The following CRYBG3 variants were observed in gnomAD, a reference collection of about 807,000 sequenced individuals.
The protein encoded by CRYBG3 is crystallin beta-gamma domain containing 3.
CRYBG3 carries 127 observed loss-of-function variants against 244.2 expected under a neutral mutation model. The ratio of observed to expected loss-of-function variants is 0.52; its 90% CI spans 0.45 to 0.60. CRYBG3 has a LOEUF of 0.60. Among genes scored for constraint, CRYBG3 ranks in the 20% least tolerant of loss-of-function variants. CRYBG3 has a pLI of 0.00. For missense variants in CRYBG3, 3,325 were observed against 3,442.5 expected (o/e 0.97, Z 0.85); for synonymous variants, 1,132 against 1,195.8 (o/e 0.95, Z 1.10).
chr3:97,934,337 C>A (rs780289089), intron 18 of CRYBG3, among the ~76,000 whole-genome samples: 5 of 151,948 alleles, frequency 3.3e-5, no homozygotes, highest in Non-Finnish European at 5.9e-5. Flanking sequence ...TATTAGATAT[C>A]AATGTGAATA....
rs773455762 is a variant in CRYBG3 at position 97,843,108 on chromosome 3, C to A, written c.150-87C>A. ...ATCTTTGAGCATTGCAGATAAAGGA[C>A]CTTTCAGTTTGAGTTTAAATACAGA... On this transcript the variant is annotated intron_variant, in intron 1 of 21. Transcript: ENST00000389622. The A allele has an allele frequency of 1.5e-5, 11 of 728,890 alleles. No individual in the cohort carries two copies. In the East Asian group the frequency reaches 2.7e-4, roughly 18 times the overall value. The allele number at this position is 728,890 out of a possible 1,614,324, so 45.2% of individuals were successfully genotyped here. A position where few individuals can be genotyped will look rare whatever the true frequency, so the allele number is the denominator to read the frequency against.
At chr3:97,919,606 A>G (rs1440954659) in intron 17 of CRYBG3, among the ~76,000 whole-genome samples, 1 of 151,994 alleles carries the variant, frequency 6.6e-6, no homozygotes, top group African/African-American at 2.4e-5. Flanking sequence ...AAGATGAAAA[A>G]GATTGAATAT....
chr3:97,830,217 C>T (rs569365591), intron 1 of CRYBG3, among the ~76,000 whole-genome samples: 38 of 152,260 alleles, frequency 2.5e-4, no homozygotes, highest in African/African-American at 7.7e-4. Flanking sequence ...AGTAAATTAC[C>T]TTGTTTTTCA....
intron 2 of CRYBG3, among the ~76,000 whole-genome samples, chr3:97,858,466 T>C (rs1185063666): frequency 6.6e-6 from 1 of 152,088 alleles, no homozygotes; most frequent in Non-Finnish European, 1.5e-5. Context: ...ATTATTTCAT[T>C]AAATAGGTTT....
chr3:97,871,696 T>C, intron 3 of CRYBG3, 146 bp from the exon 4 acceptor site: 1 of 510,844 alleles, frequency 2.0e-6, no homozygotes, highest in Non-Finnish European at 3.3e-6. Flanking sequence ...TAAAGGTAAA[T>C]TTAAAGCGTT....
chr3:97,931,682 G>A (rs905305689), intron 17 of CRYBG3, among the ~76,000 whole-genome samples: 7 of 151,942 alleles, frequency 4.6e-5, no homozygotes, highest in Admixed American at 4.6e-4. Context: ...ATATATAACC[G>A]ATTATACCAG....
intron 17 of CRYBG3, 107 bp from the exon 18 acceptor site, chr3:97,933,587 C>A: frequency 2.8e-6 from 3 of 1,077,938 alleles, no homozygotes; most frequent in African/African-American, 1.6e-5. Context: ...AAACAGTAAA[C>A]TCCATGCATT....
In CRYBG3 at chr3:97,944,770, T is replaced by C. The variant is rs1575987615; in HGVS notation, c.*1456T>C. On this transcript the variant is annotated 3_prime_UTR_variant, in exon 22 of 22. Coordinates refer to ENST00000389622, the MANE Select transcript of CRYBG3 (RefSeq NM_153605.4). ...GCTTGTCTATACACAAAGGTATGTA[T>C]ATTTTCATTATAAAAAACCAGTTTA... 6.5e-6 allele frequency: 1 copy of C among 154,786 alleles called. No individual in the cohort carries two copies. Among genetic ancestry groups the C allele is most frequent in the Non-Finnish European group, 1.4e-5 (1 of 69,758 alleles). 9.6% of individuals were successfully genotyped at this position (154,786 alleles called of 1,614,324 possible).
At chr3:97,938,846 T>C (rs1364603632) in intron 19 of CRYBG3, among the ~76,000 whole-genome samples, 1 of 151,988 alleles carries the variant, frequency 6.6e-6, no homozygotes, top group Admixed American at 6.6e-5. Context: ...TTTTGAGGGA[T>C]ACTGAAACAT....
intron 3 of CRYBG3, among the ~76,000 whole-genome samples, chr3:97,865,002 T>A (rs1429385013): frequency 6.6e-6 from 1 of 152,160 alleles, no homozygotes; most frequent in Non-Finnish European, 1.5e-5. Context: ...TCTGTCAATA[T>A]CTTTGTTCTG....
At chr3:97,846,597 G>A (rs1381512682) in intron 2 of CRYBG3, among the ~76,000 whole-genome samples, 1 of 152,126 alleles carries the variant, frequency 6.6e-6, no homozygotes, top group African/African-American at 2.4e-5. Flanking sequence ...AGGGAGGATT[G>A]TCTTACTGTT....
rs771307435 is a variant in CRYBG3 at position 97,880,049 on chromosome 3, C to G, written c.6953C>G (p.Ala2318Gly). The change falls in exon 6 of 22, where the codon GCT becomes GGT. Residue 2318 changes from alanine to glycine, a missense_variant. Physicochemically the swap from Ala to Gly is moderately conservative, Grantham distance 60 (BLOSUM62 0). Around this residue, in one of 4 missense-constraint regions of CRYBG3, gnomAD observed 714 missense variants for 803.6 expected, o/e 0.89. Transcript: ENST00000389622. Reference sequence around the variant, plus strand: ...GAAGTCTACTGTAATATTCCTGATGCTACATCATGGTCTTTTCCAAATGGA... The same window carrying G: ...GAAGTCTACTGTAATATTCCTGATGGTACATCATGGTCTTTTCCAAATGGA... The part of the protein sequence containing the change: ...KQEVYCNIPD[A>G]TSWSFPNGVL... 3 of 1,603,540 alleles carry G rather than the reference C, an allele frequency of 1.9e-6. No homozygotes were observed. The highest frequency in any genetic ancestry group is 1.7e-4 in the Middle Eastern group (1 of 6,026).
At chr3:97,861,200 T>G (rs1299561404) in intron 2 of CRYBG3, among the ~76,000 whole-genome samples, 1 of 152,178 alleles carries the variant, frequency 6.6e-6, no homozygotes, top group Admixed American at 6.6e-5. Flanking sequence ...AGTAAACATA[T>G]TTCAAACTTC....
intron 17 of CRYBG3, among the ~76,000 whole-genome samples, chr3:97,925,453 A>G (rs2040029322): frequency 6.6e-6 from 1 of 152,106 alleles, no homozygotes; most frequent in Non-Finnish European, 1.5e-5. Flanking sequence ...TGTTGCAGCT[A>G]TGATGGATGA....
At chr3:97,930,761 A>G (rs1268500250) in intron 17 of CRYBG3, among the ~76,000 whole-genome samples, 1 of 152,098 alleles carries the variant, frequency 6.6e-6, no homozygotes, top group Admixed American at 6.6e-5. Flanking sequence ...GTCCAGATAC[A>G]TAACATTTCT....
At chr3:97,855,720 C>T (rs757687698) in intron 2 of CRYBG3, among the ~76,000 whole-genome samples, 5 of 152,068 alleles carry the variant, frequency 3.3e-5, no homozygotes, top group African/African-American at 9.7e-5. Context: ...CATCACATGT[C>T]GGTAGGTTCT....
In CRYBG3 at chr3:97,875,234, A is replaced by G. The variant is rs2039356684; in HGVS notation, c.4040A>G (p.Asp1347Gly). 1.3e-6 allele frequency: 2 copies of G among 1,528,794 alleles called. No homozygotes were observed. The highest frequency in any genetic ancestry group is 2.4e-5 in the East Asian group (1 of 40,880). The allele number at this position is 1,528,794 out of a possible 1,614,324, so 94.7% of individuals were successfully genotyped here. Reference protein sequence around the residue: ...QANTSKILNSDSVKPHDVVRE... With the variant: ...QANTSKILNSGSVKPHDVVRE... Reference sequence around the variant, plus strand: ...AATACTTCAAAAATTCTGAACAGTGATAGTGTTAAGCCACATGATGTAGTT... The same window carrying G: ...AATACTTCAAAAATTCTGAACAGTGGTAGTGTTAAGCCACATGATGTAGTT... Residue 1347 changes from aspartate to glycine, a missense_variant, in exon 4 of 22, where the codon GAT (aspartate) becomes GGT (glycine). Asp to Gly is a moderately conservative substitution (Grantham distance 94). Around this residue, in one of 4 missense-constraint regions of CRYBG3, gnomAD observed 635 missense variants for 771.7 expected, o/e 0.82. Transcript: ENST00000389622.
At chr3:97,923,455 C>A in intron 17 of CRYBG3, among the ~76,000 whole-genome samples, 1 of 152,004 alleles carries the variant, frequency 6.6e-6, no homozygotes, top group East Asian at 1.9e-4. Flanking sequence ...CCAACAAAAA[C>A]TTACAGTAAA....
At chr3:97,858,721 T>G (rs1457091506) in intron 2 of CRYBG3, among the ~76,000 whole-genome samples, 3 of 152,308 alleles carry the variant, frequency 2.0e-5, no homozygotes, top group Non-Finnish European at 2.9e-5. Context: ...ATAGTTTTTC[T>G]TATTTTATTG....
Sources: gnomAD v4.1 joint callset for allele counts (sites outside exome capture counted in the v4.1 genomes callset) on GRCh38, gnomAD v4.1.1 for gene constraint, gnomAD v4.1.1 regional missense constraint, MANE v1.5 for transcripts, NCBI Gene and HGNC (gene_info 2026-07-23, HGNC 2026-07-21) for gene names.